SLC15A4: variants seen among roughly 807,000 people sequenced by gnomAD.
The protein encoded by SLC15A4 is solute carrier family 15 member 4.
A neutral mutation model predicts 46.1 loss-of-function variants in SLC15A4; 26 were observed. The ratio of observed to expected loss-of-function variants is 0.56; its 90% CI spans 0.41 to 0.78. SLC15A4 has a LOEUF of 0.78. Ranked by LOEUF, SLC15A4 falls within the 30% of genes least tolerant of loss-of-function variation. SLC15A4 has a pLI of 0.00. For synonymous variants in SLC15A4, 370 were observed against 333.4 expected (o/e 1.11, Z -1.20); for missense variants, 751 against 755.7 (o/e 0.99, Z 0.07).
chr12:128,821,712 C>G (rs989444701), intron 1 of SLC15A4, among the ~76,000 whole-genome samples: 1 of 151,926 alleles, frequency 6.6e-6, no homozygotes, highest in Non-Finnish European at 1.5e-5. Context: ...ACGGTGAAAC[C>G]CCGTCTCTAC....
intron 5 of SLC15A4, 41 bp downstream of exon 5, chr12:128,808,747 G>A (rs1414138625): frequency 6.2e-7 from 1 of 1,602,472 alleles, no homozygotes; most frequent in Non-Finnish European, 8.5e-7. Flanking sequence ...CACAACTGCT[G>A]CAGTCGGGCC....
rs1275832461 is a variant in SLC15A4 at position 128,796,449 on chromosome 12, A to C, written c.1574-2093T>G. On this transcript the variant is annotated intron_variant, in intron 7 of 7. Transcript: ENST00000266771. Reference sequence around the variant, plus strand: ...CATCTCAAAAAAAAAAAAAAAAAAAAAAAAAAAAACCCACACATCTGTATG... The same window carrying C: ...CATCTCAAAAAAAAAAAAAAAAAAACAAAAAAAAACCCACACATCTGTATG... Among the ~76,000 whole-genome samples the C allele has an allele frequency of 1.0e-4, 10 of 95,352 alleles. No individual in the cohort carries two copies. In the East Asian group the frequency reaches 2.7e-3, roughly 25 times the overall value. 62.6% of individuals were successfully genotyped at this position (95,352 alleles called of 152,430 possible). A position where few individuals can be genotyped will look rare whatever the true frequency, so the allele number is the denominator to read the frequency against.
chr12:128,821,884 C>CAAAAA (rs10579523), intron 1 of SLC15A4, among the ~76,000 whole-genome samples: 1 of 132,962 alleles, frequency 7.5e-6, no homozygotes, highest in African/African-American at 2.9e-5. Context: ...GACTCCGCCT[C>CAAAAA]AAAAAAAAAA....
Position 128,814,838 on chromosome 12 carries a change from ATG to A in SLC15A4, c.777_778del (p.Met260ValfsTer20). 3 of 1,614,208 alleles carry A rather than the reference ATG, an allele frequency of 1.9e-6. No individual in the cohort carries two copies. The highest frequency in any genetic ancestry group is 2.5e-6 in the Non-Finnish European group (3 of 1,180,042). ...GCAGGAATACGTCAGTATCTTGAACATGTCGGTGAAGGCACTGCCATCAGGAG... is the reference window on the plus strand; with the variant it reads ...GCAGGAATACGTCAGTATCTTGAACATCGGTGAAGGCACTGCCATCAGGAG... On this transcript the variant is annotated frameshift_variant, in exon 2 of 8. Transcript: ENST00000266771. LOFTEE classifies it high-confidence loss of function.
chr12:128,817,774 C>T (rs1043858928), intron 1 of SLC15A4, among the ~76,000 whole-genome samples: 1 of 152,144 alleles, frequency 6.6e-6, no homozygotes, highest in African/African-American at 2.4e-5. Flanking sequence ...TTACTAAGCC[C>T]TAAATAACCA....
intron 7 of SLC15A4, among the ~76,000 whole-genome samples, chr12:128,797,461 G>A (rs969556464): frequency 1.4e-4 from 21 of 152,214 alleles, no homozygotes; most frequent in Admixed American, 1.2e-3. Flanking sequence ...GATCCAGACT[G>A]CAAACACAGC....
At position 128,823,951 on chromosome 12, in the gene SLC15A4, C is replaced by T; in HGVS notation, c.-8G>A. On this transcript the variant is annotated 5_prime_UTR_variant, in exon 1 of 8. Coordinates refer to ENST00000266771, the MANE Select transcript of SLC15A4 (RefSeq NM_145648.4). ...GCCCCCAGAGCCCTCCATGCGACGCCGCCAGCTGCCTCGCCCCGCCGCCGG... is the reference window on the plus strand; with the variant it reads ...GCCCCCAGAGCCCTCCATGCGACGCTGCCAGCTGCCTCGCCCCGCCGCCGG... 2.1e-6 allele frequency: 1 copy of T among 466,894 alleles called. No individual in the cohort carries two copies. Among genetic ancestry groups the T allele is most frequent in the South Asian group, 8.5e-5 (1 of 11,790 alleles). The allele number at this position is 466,894 out of a possible 1,614,324, so 28.9% of individuals were successfully genotyped here.
At chr12:128,822,395 G>C (rs1430568054) in intron 1 of SLC15A4, among the ~76,000 whole-genome samples, 2 of 152,184 alleles carry the variant, frequency 1.3e-5, no homozygotes, top group South Asian at 2.1e-4. Flanking sequence ...GCAACAACGG[G>C]GGCTTCCCCT....
At chr12:128,816,360 A>G (rs996288700) in intron 1 of SLC15A4, among the ~76,000 whole-genome samples, 1 of 152,242 alleles carries the variant, frequency 6.6e-6, no homozygotes, top group Non-Finnish European at 1.5e-5. Flanking sequence ...AACTTATGAG[A>G]GGCTGATACT....
Position 128,799,547 on chromosome 12 carries a change from C to T in SLC15A4, c.1415-130G>A, listed in dbSNP as rs1955490365. On this transcript the variant is annotated intron_variant, in intron 6 of 7. Transcript: ENST00000266771. ...ACTGAGTCCTGCAGACAGGCACAAC[C>T]TCTTTTCTATTAGGAGGACGATGCT... The T allele has an allele frequency of 9.8e-6, 9 of 916,780 alleles. No homozygotes were observed. The Admixed American group carries it at 1.4e-4, about 14-fold the overall frequency. 56.8% of individuals were successfully genotyped at this position (916,780 alleles called of 1,614,324 possible). A position where few individuals can be genotyped will look rare whatever the true frequency, so the allele number is the denominator to read the frequency against.
Position 128,800,955 on chromosome 12 carries a change from G to T in SLC15A4, c.1313C>A (p.Thr438Asn), listed in dbSNP as rs1425903032. 1 of 1,614,108 alleles carries T rather than the reference G, an allele frequency of 6.2e-7. No individual in the cohort carries two copies. Among genetic ancestry groups the T allele is most frequent in the Non-Finnish European group, 8.5e-7 (1 of 1,180,012 alleles). Reference protein sequence around the residue: ...NLVKEKTINQTIGNVVYHAAD... With the variant: ...NLVKEKTINQNIGNVVYHAAD... ...AGCATGGTAGACGACGTTGCCGATG[G>T]TCTGATTAATGGTTTTCTCTTTAAC... The change falls in exon 6 of 8, where the codon ACC becomes AAC. Residue 438 changes from threonine (T) to asparagine (N), a missense_variant. By Grantham distance (65) the Thr-to-Asn change is moderately conservative. Coordinates refer to ENST00000266771, the MANE Select transcript of SLC15A4 (RefSeq NM_145648.4).
chr12:128,793,717 C>A lies in SLC15A4; in HGVS notation c.*479G>T, dbSNP rs1468547370. 1 of 150,448 alleles carries A rather than the reference C, an allele frequency of 6.6e-6. No individual in the cohort carries two copies. Among genetic ancestry groups the A allele is most frequent in the Non-Finnish European group, 1.5e-5 (1 of 67,876 alleles). The allele number at this position is 150,448 out of a possible 1,614,324, so 9.3% of individuals were successfully genotyped here. A position where few individuals can be genotyped will look rare whatever the true frequency, so the allele number is the denominator to read the frequency against. On this transcript the variant is annotated 3_prime_UTR_variant, in exon 8 of 8. Coordinates refer to ENST00000266771, the MANE Select transcript of SLC15A4 (RefSeq NM_145648.4). ...CATTTATGTAAAATCCTTGCAGCAT[C>A]TGACCATGCTTTTATCTTTAAAAAA... is the stretch of plus-strand genomic sequence containing the variant.
intron 2 of SLC15A4, chr12:128,813,147 C>G (rs908898992): frequency 6.6e-6 from 1 of 152,088 alleles, no homozygotes. Flanking sequence ...TCAAATAAGG[C>G]CCTGGCAAAA....
At chr12:128,817,572 G>A (rs1955775038) in intron 1 of SLC15A4, among the ~76,000 whole-genome samples, 1 of 152,082 alleles carries the variant, frequency 6.6e-6, no homozygotes, top group South Asian at 2.1e-4. Context: ...TACCCACAGT[G>A]ACACTGCACA....
intron 5 of SLC15A4, 138 bp from the exon 6 acceptor site, chr12:128,801,147 C>G (rs1955514545): frequency 1.3e-6 from 1 of 786,424 alleles, no homozygotes; most frequent in African/African-American, 1.7e-5. Flanking sequence ...CACAGCTTCC[C>G]CCAGGACTAA....
At chr12:128,803,225 T>G (rs1955538582) in intron 5 of SLC15A4, among the ~76,000 whole-genome samples, 1 of 151,888 alleles carries the variant, frequency 6.6e-6, no homozygotes. Context: ...TAAAGCATAA[T>G]ATAACCCAAA....
chr12:128,805,122 G>A (rs1266526119), intron 5 of SLC15A4, among the ~76,000 whole-genome samples: 2 of 152,092 alleles, frequency 1.3e-5, no homozygotes, highest in Non-Finnish European at 2.9e-5. Flanking sequence ...AAGGCAGCCG[G>A]GGGGAGATGC....
At chr12:128,800,215 T>C (rs1312915313) in intron 6 of SLC15A4, among the ~76,000 whole-genome samples, 1 of 152,226 alleles carries the variant, frequency 6.6e-6, no homozygotes, top group Admixed American at 6.5e-5. Context: ...CGGAGATTTG[T>C]AGTGTATTCT....
chr12:128,822,501 C>T (rs533998641), intron 1 of SLC15A4, among the ~76,000 whole-genome samples: 1 of 152,332 alleles, frequency 6.6e-6, no homozygotes, highest in Admixed American at 6.5e-5. Context: ...CTGGTCTGAA[C>T]TTACAGGGCC....
Sources: gnomAD v4.1 joint callset for allele counts (sites outside exome capture counted in the v4.1 genomes callset) on GRCh38, gnomAD v4.1.1 for gene constraint, MANE v1.5 for transcripts, NCBI Gene and HGNC (gene_info 2026-07-23, HGNC 2026-07-21) for gene names.